Variants in ANKS1B observed in about 807,000 individuals in gnomAD.
The protein encoded by ANKS1B is ankyrin repeat and sterile alpha motif domain-containing protein 1B.
Under a neutral mutation model 148.3 loss-of-function variants are expected in ANKS1B, and 36 were observed. That is an observed-to-expected ratio of 0.24 (90% confidence interval 0.19 to 0.32). ANKS1B has a LOEUF of 0.32. Among genes scored for constraint, ANKS1B ranks in the 10% least tolerant of loss-of-function variants. ANKS1B has a pLI of 1.00. For missense variants in ANKS1B, 1,157 were observed against 1,542.6 expected, an observed-to-expected ratio of 0.75 and a Z score of 4.19; for synonymous variants, 542 against 560.8, an observed-to-expected ratio of 0.97 and a Z score of 0.47.
rs536070620 is a variant in ANKS1B at position 98,760,457 on chromosome 12, G to A, written c.3580-8935C>T. ...ATTTTTGTATGTTTTTTAGAGACAG[G>A]GTTTCAACATGTTGCCCAGGATGGA... On this transcript the variant is annotated intron_variant, in intron 25 of 26. Transcript: ENST00000683438. Among the ~76,000 whole-genome samples the A allele has an allele frequency of 2.0e-3, 298 of 152,166 alleles. 1 individual carries two copies. The highest frequency in any genetic ancestry group is 6.6e-3 in the African/African-American group (275 of 41,510).
At chr12:98,849,031 G>A (rs565128169) in intron 17 of ANKS1B, among the ~76,000 whole-genome samples, 56 of 152,068 alleles carry the variant, frequency 3.7e-4, no homozygotes, top group Admixed American at 3.1e-3. Context: ...GAGCCACTGC[G>A]CCTGGCCTGA....
chr12:99,166,814 C>T (rs967438762), intron 14 of ANKS1B, among the ~76,000 whole-genome samples: 13 of 151,584 alleles, frequency 8.6e-5, no homozygotes, highest in African/African-American at 2.4e-4. Flanking sequence ...AAAACAACTT[C>T]GAAAAAAAGA....
chr12:99,819,025 C>A (rs1303082931), intron 2 of ANKS1B, among the ~76,000 whole-genome samples: 1 of 151,808 alleles, frequency 6.6e-6, no homozygotes, highest in Non-Finnish European at 1.5e-5. Context: ...TCCTCTCTTG[C>A]TTGTTGATTG....
intron 12 of ANKS1B, among the ~76,000 whole-genome samples, chr12:99,292,094 T>C (rs1316424859): frequency 6.6e-6 from 1 of 152,138 alleles, no homozygotes; most frequent in African/African-American, 2.4e-5. Context: ...GACATAGGCA[T>C]GGGCAAGGAC....
intron 1 of ANKS1B, among the ~76,000 whole-genome samples, chr12:99,851,010 A>T (rs1056097962): frequency 3.3e-5 from 5 of 152,118 alleles, no homozygotes; most frequent in African/African-American, 1.2e-4. Context: ...CTATGTTTTC[A>T]ATTCTAAGCA....
intron 12 of ANKS1B, among the ~76,000 whole-genome samples, chr12:99,378,901 C>G (rs563053213): frequency 6.3e-4 from 96 of 152,268 alleles, no homozygotes; most frequent in Non-Finnish European, 1.3e-3. Flanking sequence ...ACTGGCAACA[C>G]GTACCTGGCT....
intron 9 of ANKS1B, among the ~76,000 whole-genome samples, chr12:99,532,355 G>GTTGT (rs2097005816): frequency 6.6e-6 from 1 of 152,030 alleles, no homozygotes; most frequent in Non-Finnish European, 1.5e-5. Context: ...TGTTGTTGTT[G>GTTGT]TTGTTTGCTT....
intron 26 of ANKS1B, among the ~76,000 whole-genome samples, chr12:98,746,796 G>A (rs1409216403): frequency 6.6e-6 from 1 of 152,234 alleles, no homozygotes; most frequent in East Asian, 1.9e-4. Flanking sequence ...GCAAGTATTT[G>A]CCTGAAGACA....
intron 17 of ANKS1B, among the ~76,000 whole-genome samples, chr12:98,921,938 C>A (rs1008571941): frequency 2.0e-4 from 30 of 152,170 alleles, no homozygotes; most frequent in African/African-American, 6.8e-4. Context: ...GAAAAAAAGT[C>A]TACAGCACAA....
At chr12:99,965,096 A>G (rs890937179) in intron 1 of ANKS1B, among the ~76,000 whole-genome samples, 5 of 152,208 alleles carry the variant, frequency 3.3e-5, no homozygotes, top group Admixed American at 6.5e-5. Flanking sequence ...ATGACACTCC[A>G]AAAGCCATGA....
At chr12:98,958,336 C>T (rs2099865814) in intron 17 of ANKS1B, among the ~76,000 whole-genome samples, 1 of 152,224 alleles carries the variant, frequency 6.6e-6, no homozygotes, top group Non-Finnish European at 1.5e-5. Flanking sequence ...TTCCTTCCTA[C>T]TTACTTACAG....
At chr12:99,530,858 T>A (rs1328862423) in intron 9 of ANKS1B, among the ~76,000 whole-genome samples, 1 of 152,192 alleles carries the variant, frequency 6.6e-6, no homozygotes, top group Non-Finnish European at 1.5e-5. Flanking sequence ...ATTTGTTGAA[T>A]AAAAATATGA....
chr12:99,386,835 T>C (rs1211462720), intron 12 of ANKS1B, among the ~76,000 whole-genome samples: 1 of 152,194 alleles, frequency 6.6e-6, no homozygotes, highest in Non-Finnish European at 1.5e-5. Flanking sequence ...GAATGAAAGG[T>C]AGGCTCATGC....
intron 22 of ANKS1B, among the ~76,000 whole-genome samples, chr12:98,791,770 G>T (rs2098864317): frequency 6.6e-6 from 1 of 152,126 alleles, no homozygotes; most frequent in African/African-American, 2.4e-5. Flanking sequence ...TTTTTTCCCA[G>T]TCTGATTCCT....
intron 14 of ANKS1B, among the ~76,000 whole-genome samples, chr12:99,231,837 T>C (rs763633316): frequency 7.2e-5 from 11 of 151,896 alleles, no homozygotes; most frequent in Non-Finnish European, 1.5e-4. Flanking sequence ...AGATGTTTGC[T>C]CTCCTCTACT....
intron 9 of ANKS1B, among the ~76,000 whole-genome samples, chr12:99,601,600 G>A (rs948406925): frequency 1.8e-4 from 27 of 152,058 alleles, no homozygotes; most frequent in African/African-American, 6.0e-4. Context: ...TAAGGATCAC[G>A]GTCAACACTC....
At chr12:98,969,978 G>T (rs535516179) in intron 17 of ANKS1B, among the ~76,000 whole-genome samples, 17 of 152,158 alleles carry the variant, frequency 1.1e-4, no homozygotes, top group Non-Finnish European at 2.2e-4. Context: ...TTGGTGTTCA[G>T]ACCATCTAAT....
chr12:98,806,324 TTTAA>T (rs1345084989), intron 20 of ANKS1B, among the ~76,000 whole-genome samples: 1 of 152,230 alleles, frequency 6.6e-6, no homozygotes, highest in Non-Finnish European at 1.5e-5. Context: ...AAAATTAGGA[TTTAA>T]TTGATTTTTA....
intron 17 of ANKS1B, among the ~76,000 whole-genome samples, chr12:98,889,559 C>T (rs1460614554): frequency 6.6e-6 from 1 of 152,174 alleles, no homozygotes; most frequent in Non-Finnish European, 1.5e-5. Context: ...GTTGCCAAGA[C>T]TGGTTTCAAA....
Sources: gnomAD v4.1 joint callset for allele counts (sites outside exome capture counted in the v4.1 genomes callset) on GRCh38, gnomAD v4.1.1 for gene constraint, MANE v1.5 for transcripts, NCBI Gene and HGNC (gene_info 2026-07-23, HGNC 2026-07-21) for gene names.